Variants in NALF1 observed in about 807,000 individuals in gnomAD.
NALF1 encodes family with sequence similarity 155 member A.
In NALF1, 3 loss-of-function variants were observed where a neutral mutation model predicts 48.4. The ratio of observed to expected loss-of-function variants is 0.06; its 90% CI spans 0.03 to 0.16. The LOEUF is 0.16. Ranked by LOEUF, NALF1 falls within the 10% of genes least tolerant of loss-of-function variation. NALF1 has a pLI of 1.00. For synonymous variants in NALF1, 262 were observed against 245.7 expected (o/e 1.07, Z -0.62); for missense variants, 526 against 571.5 (o/e 0.92, Z 0.81).
chr13:107,240,526 C>G (rs1264052778), intron 1 of NALF1, among the ~76,000 whole-genome samples: 1 of 152,166 alleles, frequency 6.6e-6, no homozygotes, highest in African/African-American at 2.4e-5. Context: ...TATCTATTAT[C>G]ATTTGTATAA....
chr13:107,568,838 G>T (rs1877894965), intron 1 of NALF1, among the ~76,000 whole-genome samples: 1 of 152,074 alleles, frequency 6.6e-6, no homozygotes, highest in Non-Finnish European at 1.5e-5. Context: ...CTAAATACAA[G>T]GTCATTGTCA....
At chr13:107,647,510 T>C (rs939637393) in intron 1 of NALF1, among the ~76,000 whole-genome samples, 18 of 151,252 alleles carry the variant, frequency 1.2e-4, no homozygotes, top group African/African-American at 3.9e-4. Context: ...GACATATAGA[T>C]TGTTTCTACA....
chr13:107,575,502 T>C (rs1260992038), intron 1 of NALF1, among the ~76,000 whole-genome samples: 1 of 151,974 alleles, frequency 6.6e-6, no homozygotes, highest in Non-Finnish European at 1.5e-5. Context: ...AGAGCAAAAA[T>C]TACCACAAAA....
intron 1 of NALF1, among the ~76,000 whole-genome samples, chr13:107,764,176 C>T (rs566610922): frequency 1.9e-4 from 29 of 152,136 alleles, no homozygotes; most frequent in East Asian, 1.2e-3. Context: ...TTAGATATTG[C>T]AACATATTTA....
At chr13:107,421,125 A>C (rs910215594) in intron 1 of NALF1, among the ~76,000 whole-genome samples, 1 of 152,166 alleles carries the variant, frequency 6.6e-6, no homozygotes, top group Non-Finnish European at 1.5e-5. Context: ...CTTCGGGGCA[A>C]GGCACCCTCT....
At chr13:107,252,319 C>T (rs980044) in intron 1 of NALF1, among the ~76,000 whole-genome samples, 79,341 of 151,494 alleles carry the variant, frequency 0.52, 22,203 homozygotes, top group South Asian at 0.66. Context: ...AGGCTCACAA[C>T]GTGGAGAGTT....
chr13:107,663,132 T>G (rs932409704), intron 1 of NALF1, among the ~76,000 whole-genome samples: 2 of 152,326 alleles, frequency 1.3e-5, no homozygotes, highest in Non-Finnish European at 2.9e-5. Flanking sequence ...ACTATATAAC[T>G]ATCATATGTC....
chr13:107,739,827 C>A (rs761262525), intron 1 of NALF1, among the ~76,000 whole-genome samples: 5 of 152,148 alleles, frequency 3.3e-5, no homozygotes, highest in Non-Finnish European at 7.4e-5. Flanking sequence ...GTGGCAGCAT[C>A]AGATGCACAT....
chr13:107,316,835 T>C (rs1483492155), intron 1 of NALF1, among the ~76,000 whole-genome samples: 1 of 152,160 alleles, frequency 6.6e-6, no homozygotes, highest in Admixed American at 6.6e-5. Flanking sequence ...AATCCACTTC[T>C]TCTGCTTATT....
At chr13:107,686,973 A>C (rs552781667) in intron 1 of NALF1, among the ~76,000 whole-genome samples, 1 of 152,322 alleles carries the variant, frequency 6.6e-6, no homozygotes, top group East Asian at 1.9e-4. Flanking sequence ...GAAAAGAAAT[A>C]GTTTTAATCA....
At chr13:107,617,558 G>A (rs113765934) in intron 1 of NALF1, among the ~76,000 whole-genome samples, 120 of 152,252 alleles carry the variant, frequency 7.9e-4, no homozygotes, top group African/African-American at 2.6e-3. Context: ...GACCACCACC[G>A]CAGTGAATGG....
At chr13:107,470,899 C>A (rs1405071840) in intron 1 of NALF1, among the ~76,000 whole-genome samples, 1 of 152,142 alleles carries the variant, frequency 6.6e-6, no homozygotes, top group Non-Finnish European at 1.5e-5. Context: ...GTGACTTTCA[C>A]ATATTTTACA....
At chr13:107,814,539 G>C (rs9301260) in intron 1 of NALF1, among the ~76,000 whole-genome samples, 49,025 of 151,916 alleles carry the variant, frequency 0.32, 10,502 homozygotes, top group African/African-American at 0.61. Flanking sequence ...ATACTGATAT[G>C]AGAAAAAATA....
chr13:107,850,342 A>C (rs1880275605), intron 1 of NALF1, among the ~76,000 whole-genome samples: 1 of 152,236 alleles, frequency 6.6e-6, no homozygotes, highest in Non-Finnish European at 1.5e-5. Context: ...GTTTTACATC[A>C]CATACCTTCC....
rs908103173 is a variant in NALF1, at chr13:107,690,990, G to A, written c.915+174692C>T. 3.9e-5 allele frequency among the ~76,000 whole-genome samples: 6 copies of A among 152,138 alleles called. No individual in the cohort carries two copies. The East Asian group carries it at 1.2e-3, about 29-fold the overall frequency. The stretch of plus-strand genomic sequence containing the variant: ...TGTGTCCCTCCCCTAAAATTAATAT[G>A]TTGAAGAACCTCAGAACTTTAACTT... On this transcript the variant is annotated intron_variant, in intron 1 of 2. Coordinates refer to ENST00000375915, the MANE Select transcript of NALF1 (RefSeq NM_001080396.3).
At chr13:107,264,752 T>C (rs942990196) in intron 1 of NALF1, among the ~76,000 whole-genome samples, 1 of 152,232 alleles carries the variant, frequency 6.6e-6, no homozygotes, top group South Asian at 2.1e-4. Context: ...TTCTAACATA[T>C]GCATCGAATT....
chr13:107,650,929 G>A (rs1454501072), intron 1 of NALF1, among the ~76,000 whole-genome samples: 1 of 151,818 alleles, frequency 6.6e-6, no homozygotes, highest in Admixed American at 6.6e-5. Flanking sequence ...CTTGACGGGG[G>A]AGGGTGGGAG....
chr13:107,219,364 G>A (rs16969868), intron 1 of NALF1, among the ~76,000 whole-genome samples: 1 of 152,120 alleles, frequency 6.6e-6, no homozygotes, highest in Admixed American at 6.5e-5. Context: ...TCTCTAAAAA[G>A]GCAGCAAGTG....
chr13:107,847,820 A>T (rs72657290), intron 1 of NALF1, among the ~76,000 whole-genome samples: 11,895 of 152,292 alleles, frequency 0.078, 562 homozygotes, highest in East Asian at 0.12. Flanking sequence ...TGACCCACAG[A>T]AAGTGTGAGA....
Sources: allele counts gnomAD v4.1 joint callset (sites outside exome capture counted in the v4.1 genomes callset), GRCh38; gene constraint gnomAD v4.1.1; transcripts MANE v1.5; gene names NCBI Gene and HGNC (gene_info 2026-07-23, HGNC 2026-07-21).